The following KIRREL3 variants were observed in gnomAD, a reference collection of about 807,000 sequenced individuals.
The protein encoded by KIRREL3 is kirre like nephrin family adhesion molecule 3.
KIRREL3 carries 36 observed loss-of-function variants against 89.7 expected under a neutral mutation model. The observed-to-expected ratio is 0.40, with a 90% CI of 0.31 to 0.53. KIRREL3 has a LOEUF of 0.53. Ranked by LOEUF, KIRREL3 falls within the 20% of genes least tolerant of loss-of-function variation. The pLI is 0.49. For synonymous variants in KIRREL3, 445 were observed against 441.4 expected (o/e 1.01, Z -0.10); for missense variants, 864 against 1,056.6 (o/e 0.82, Z 2.53).
At position 126,991,149 on chromosome 11, in the gene KIRREL3, C is replaced by T. The variant is rs1164977850; in HGVS notation, c.55+9306G>A. Reference sequence around the variant, plus strand: ...GGGTGGCTTGGCAGAGGCTGTTTCTCTTGGCGTTGTCTCTGGTGACCCAAA... The same window carrying T: ...GGGTGGCTTGGCAGAGGCTGTTTCTTTTGGCGTTGTCTCTGGTGACCCAAA... On this transcript the variant is annotated intron_variant, in intron 1 of 16. Transcript: ENST00000525144. This position sits in a 1 kb window ranked among gnomAD's most constrained non-coding sequence, Gnocchi z 5.8. Among the ~76,000 whole-genome samples, 1 of 152,180 alleles carries T rather than the reference C, an allele frequency of 6.6e-6. No homozygotes were observed. The highest frequency in any genetic ancestry group is 1.5e-5 in the Non-Finnish European group (1 of 68,032).
chr11:126,440,855 T>C, intron 10 of KIRREL3: 1 of 447,514 alleles, frequency 2.2e-6, no homozygotes, highest in Admixed American at 3.9e-5. Context: ...GCTAACCGAC[T>C]TCAGAGGAGA....
At chr11:126,928,564 C>T (rs770278559) in intron 1 of KIRREL3, among the ~76,000 whole-genome samples, 163 of 152,118 alleles carry the variant, frequency 1.1e-3, no homozygotes, top group Non-Finnish European at 2.0e-3. Context: ...CCTGGGACCC[C>T]GACGTGGTGG....
Position 126,446,827 on chromosome 11 carries a change from T to C in KIRREL3, c.1057A>G (p.Ile353Val), listed in dbSNP as rs763688867. Residue 353 changes from isoleucine to valine, a missense_variant, in exon 9 of 17, where the codon ATC becomes GTC. Physicochemically the swap from Ile to Val is conservative, Grantham distance 29. Transcript: ENST00000525144. Reference protein sequence around the residue: ...SLLVDLGSDAIFSCAWTGNPS... With the variant: ...SLLVDLGSDAVFSCAWTGNPS... ...TTGCCGGTCCAGGCGCAGCTGAAGA[T>C]GGCATCAGAGCCCAGATCCACGAGC... The C allele has an allele frequency of 5.0e-6, 8 of 1,602,676 alleles. No homozygotes were observed. The Admixed American group carries it at 1.4e-4, about 27-fold the overall frequency.
At chr11:126,674,767 G>T (rs1057104123) in intron 1 of KIRREL3, among the ~76,000 whole-genome samples, 5 of 152,130 alleles carry the variant, frequency 3.3e-5, no homozygotes, top group Admixed American at 2.0e-4. Flanking sequence ...TTAATTGCTG[G>T]TCACAGTCAA....
At chr11:126,863,787 G>A (rs1944829450) in intron 1 of KIRREL3, among the ~76,000 whole-genome samples, 1 of 152,162 alleles carries the variant, frequency 6.6e-6, no homozygotes, top group African/African-American at 2.4e-5. Context: ...GGGTTTTCAG[G>A]GGGGATTTTA....
At position 126,735,350 on chromosome 11, in the gene KIRREL3, G is replaced by C. The variant is rs572577690; in HGVS notation, c.56-172438C>G. Reference sequence around the variant, plus strand: ...GAATAAGCCCAGGTAAGCATCTCTGGGATCCTAGAACAACAGAGACCATTG... The same window carrying C: ...GAATAAGCCCAGGTAAGCATCTCTGCGATCCTAGAACAACAGAGACCATTG... On this transcript the variant is annotated intron_variant, in intron 1 of 16. Transcript: ENST00000525144. 9.8e-4 allele frequency among the ~76,000 whole-genome samples: 149 copies of C among 152,228 alleles called. 2 individuals are homozygous for C. The South Asian group carries it at 0.028, about 29-fold the overall frequency.
Position 126,570,525 on chromosome 11 carries a change from C to A in KIRREL3, c.56-7613G>T, listed in dbSNP as rs1243410878. ...CTTGTTGTGACCCGCCAGCCCATCT[C>A]ACCAGCTCCAGCAGGCAGCAAGCCT... On this transcript the variant is annotated intron_variant, in intron 1 of 16. Transcript: ENST00000525144. The surrounding 1 kb of genome is among the most constrained non-coding windows in gnomAD (Gnocchi z 6.1). 6.6e-6 allele frequency among the ~76,000 whole-genome samples: 1 copy of A among 152,224 alleles called. No individual in the cohort carries two copies. Among genetic ancestry groups the A allele is most frequent in the African/African-American group, 2.4e-5 (1 of 41,456 alleles).
At chr11:126,728,903 A>G (rs542431719) in intron 1 of KIRREL3, among the ~76,000 whole-genome samples, 27 of 143,950 alleles carry the variant, frequency 1.9e-4, no homozygotes, top group African/African-American at 6.6e-4. Context: ...TCAAGGTGCC[A>G]TGTGTAATCA....
chr11:126,939,900 C>T (rs753544010), intron 1 of KIRREL3, among the ~76,000 whole-genome samples: 1 of 152,174 alleles, frequency 6.6e-6, no homozygotes, highest in Non-Finnish European at 1.5e-5. Flanking sequence ...GAGTGAGCCA[C>T]AGGTTCATAC....
At chr11:126,556,036 C>T (rs1474004080) in intron 2 of KIRREL3, among the ~76,000 whole-genome samples, 1 of 152,228 alleles carries the variant, frequency 6.6e-6, no homozygotes. Flanking sequence ...GCCACCGTGC[C>T]CGGCCTTCAG....
Position 126,535,635 on chromosome 11 carries a change from C to G in KIRREL3, c.134-8948G>C, listed in dbSNP as rs1432571856. ...TCAGATTAACTGAATTGGCCTCAAC[C>G]CCACCTTTTCTCCAGCCAGACATTT... On this transcript the variant is annotated intron_variant, in intron 2 of 16. Coordinates refer to ENST00000525144, the MANE Select transcript of KIRREL3 (RefSeq NM_032531.4). This position sits in a 1 kb window ranked among gnomAD's most constrained non-coding sequence, Gnocchi z 4.5. Among the ~76,000 whole-genome samples the G allele has an allele frequency of 6.6e-6, 1 of 152,028 alleles. No individual in the cohort carries two copies. The highest frequency in any genetic ancestry group is 6.5e-5 in the Admixed American group (1 of 15,270).
intron 1 of KIRREL3, among the ~76,000 whole-genome samples, chr11:126,878,425 T>C (rs986614733): frequency 6.6e-6 from 1 of 152,164 alleles, no homozygotes; most frequent in Non-Finnish European, 1.5e-5. Flanking sequence ...TGCTGACTAC[T>C]ATTTTTTTCA....
chr11:126,852,348 C>T lies in KIRREL3; in HGVS notation c.55+148107G>A, dbSNP rs570913844. 8.5e-5 allele frequency among the ~76,000 whole-genome samples: 13 copies of T among 152,286 alleles called. No homozygotes were observed. The East Asian group carries it at 1.2e-3, about 14-fold the overall frequency. ...ATTACAGGCGTGAGCCACCAGCGCC[C>T]GGCCGATCATGGCTATAATCTTAGC... is the stretch of plus-strand genomic sequence containing the variant. On this transcript the variant is annotated intron_variant, in intron 1 of 16. Coordinates refer to ENST00000525144, the MANE Select transcript of KIRREL3 (RefSeq NM_032531.4).
At chr11:126,721,793 T>C (rs973925635) in intron 1 of KIRREL3, among the ~76,000 whole-genome samples, 6 of 152,120 alleles carry the variant, frequency 3.9e-5, no homozygotes, top group Non-Finnish European at 7.4e-5. Flanking sequence ...CAGGGTGCGT[T>C]GGAGGGACAG....
At position 126,612,577 on chromosome 11, in the gene KIRREL3, TACA is replaced by T. The variant is rs1325816184; in HGVS notation, c.56-49668_56-49666del. Among the ~76,000 whole-genome samples the T allele has an allele frequency of 6.6e-6, 1 of 152,198 alleles. No homozygotes were observed. The highest frequency in any genetic ancestry group is 1.5e-5 in the Non-Finnish European group (1 of 68,040). On this transcript the variant is annotated intron_variant, in intron 1 of 16. Coordinates refer to ENST00000525144, the MANE Select transcript of KIRREL3 (RefSeq NM_032531.4). This position sits in a 1 kb window ranked among gnomAD's most constrained non-coding sequence, Gnocchi z 4.5. The stretch of plus-strand genomic sequence containing the variant: ...ACAGTTCAGTAGTTTTAAGTATATT[TACA>T]ACATTTTGCAACCATGGCCATGACC...
intron 1 of KIRREL3, among the ~76,000 whole-genome samples, chr11:126,727,207 G>A (rs1948422709): frequency 6.6e-6 from 1 of 152,250 alleles, no homozygotes; most frequent in Non-Finnish European, 1.5e-5. Flanking sequence ...GGCTCCAGAA[G>A]AGGCAGCTTC....
rs1942897770 is a variant in KIRREL3 at position 126,606,553 on chromosome 11, AG to A, written c.56-43642del. ...ACTGCCTTCCACATTTCCCCACCTT[AG>A]GGTGGTCTCCAGACCACATCCCAGA... On this transcript the variant is annotated intron_variant, in intron 1 of 16. Transcript: ENST00000525144. The surrounding 1 kb of genome is among the most constrained non-coding windows in gnomAD (Gnocchi z 4.6). Among the ~76,000 whole-genome samples, 1 of 152,124 alleles carries A rather than the reference AG, an allele frequency of 6.6e-6. No homozygotes were observed.
chr11:126,450,534 T>C (rs1398011379), intron 7 of KIRREL3, among the ~76,000 whole-genome samples: 1 of 150,830 alleles, frequency 6.6e-6, no homozygotes, highest in East Asian at 2.0e-4. Flanking sequence ...TGCGTATGTG[T>C]GCATGTGTGT....
intron 5 of KIRREL3, among the ~76,000 whole-genome samples, chr11:126,465,290 A>G (rs1406909982): frequency 6.6e-6 from 1 of 152,214 alleles, no homozygotes; most frequent in Non-Finnish European, 1.5e-5. Flanking sequence ...CCCGGAAGAC[A>G]GCAGCATTAT....
Sources: allele counts gnomAD v4.1 joint callset (sites outside exome capture counted in the v4.1 genomes callset), GRCh38; gene constraint gnomAD v4.1.1; non-coding constraint Gnocchi (gnomAD v3.1); transcripts MANE v1.5; gene names NCBI Gene and HGNC (gene_info 2026-07-23, HGNC 2026-07-21).